Variants in ZNF66 observed in about 807,000 individuals in gnomAD.
ZNF66 encodes the protein putative zinc finger protein 66.
A neutral mutation model predicts 35.2 loss-of-function variants in ZNF66; 32 were observed. The ratio of observed to expected loss-of-function variants is 0.91; its 90% CI spans 0.69 to 1.22. ZNF66 has a LOEUF of 1.22. Among genes scored for constraint, ZNF66 ranks in the 50% most tolerant of loss-of-function variants. ZNF66 has a pLI of 0.00. For missense variants in ZNF66, 666 were observed against 543.1 expected (o/e 1.23, Z -2.25); for synonymous variants, 231 against 181.3 (o/e 1.27, Z -2.20).
chr19:20,790,079 C>G (rs1317447072), intron 1 of ZNF66, among the ~76,000 whole-genome samples: 1 of 145,444 alleles, frequency 6.9e-6, no homozygotes, highest in Non-Finnish European at 1.5e-5. Context: ...TTTAAAACAC[C>G]CATGCATAGA....
At chr19:20,781,689 A>G (rs1440310823) in intron 1 of ZNF66, among the ~76,000 whole-genome samples, 3 of 151,676 alleles carry the variant, frequency 2.0e-5, no homozygotes, top group East Asian at 1.9e-4. Flanking sequence ...TGTATTTTTA[A>G]TAGAGATGGA....
At chr19:20,781,656 A>T (rs1362245492) in intron 1 of ZNF66, among the ~76,000 whole-genome samples, 1 of 151,800 alleles carries the variant, frequency 6.6e-6, no homozygotes, top group Non-Finnish European at 1.5e-5. Context: ...TTACAGGTGC[A>T]TTCCACCATG....
At chr19:20,789,223 G>T (rs1971314537) in intron 1 of ZNF66, among the ~76,000 whole-genome samples, 1 of 152,116 alleles carries the variant, frequency 6.6e-6, no homozygotes, top group African/African-American at 2.4e-5. Context: ...TGGTAGTACT[G>T]CAGTGGCATA....
Position 20,778,836 on chromosome 19 carries a change from A to G in ZNF66, c.3+2386A>G, listed in dbSNP as rs149864345. Among the ~76,000 whole-genome samples, 751 of 152,150 alleles carry G rather than the reference A, an allele frequency of 4.9e-3. 9 individuals carry two copies. The highest frequency in any genetic ancestry group is 8.6e-3 in the Non-Finnish European group (585 of 68,016). On this transcript the variant is annotated intron_variant, in intron 1 of 3. Transcript: ENST00000344519. ...TAAAATTTCCTTCCCTTATGTAAAC[A>G]CTGCGTTTGAGTAATTTCCCTGGAT...
intron 3 of ZNF66, among the ~76,000 whole-genome samples, chr19:20,796,285 G>A (rs961779405): frequency 1.3e-5 from 2 of 151,864 alleles, no homozygotes; most frequent in Admixed American, 6.6e-5. Context: ...TCTTACTGAT[G>A]TCACTCTCCC....
At chr19:20,786,121 A>G (rs568833962) in intron 1 of ZNF66, among the ~76,000 whole-genome samples, 4 of 152,174 alleles carry the variant, frequency 2.6e-5, no homozygotes, top group African/African-American at 7.2e-5. Context: ...ACCAGATGTG[A>G]TATAAACACA....
intron 1 of ZNF66, among the ~76,000 whole-genome samples, chr19:20,787,373 T>C (rs889577454): frequency 6.6e-6 from 1 of 152,190 alleles, no homozygotes; most frequent in African/African-American, 2.4e-5. Flanking sequence ...GCAGCCTTCA[T>C]GAGGGGATCT....
At chr19:20,804,296 T>C (rs1246962442) in intron 3 of ZNF66, among the ~76,000 whole-genome samples, 1 of 152,132 alleles carries the variant, frequency 6.6e-6, no homozygotes, top group Non-Finnish European at 1.5e-5. Flanking sequence ...TCACCTCAAC[T>C]GGAGTGCAGT....
chr19:20,802,268 A>G (rs1412002263), intron 3 of ZNF66, among the ~76,000 whole-genome samples: 1 of 152,198 alleles, frequency 6.6e-6, no homozygotes, highest in Non-Finnish European at 1.5e-5. Context: ...GCAATGAGAC[A>G]TTTGAAAAAC....
Position 20,807,582 on chromosome 19 carries a change from C to CTT in ZNF66, c.*274_*275dup, listed in dbSNP as rs4026921. ...AGCCTATAACAATTTTCAATCAATT[C>CTT]TTTTTTTTTTTTTTTGAGATGAAGT... is the stretch of plus-strand genomic sequence containing the variant. On this transcript the variant is annotated 3_prime_UTR_variant, in exon 4 of 4. Transcript: ENST00000344519. Among the ~76,000 whole-genome samples, 1 of 142,972 alleles carries CTT rather than the reference C, an allele frequency of 7.0e-6. No individual in the cohort carries two copies. Among genetic ancestry groups the CTT allele is most frequent in the Admixed American group, 7.1e-5 (1 of 14,178 alleles). The allele number at this position is 142,972 out of a possible 152,430, so 93.8% of individuals were successfully genotyped here. A position where few individuals can be genotyped will look rare whatever the true frequency, so the allele number is the denominator to read the frequency against.
At chr19:20,776,801 A>G (rs1971199192) in intron 1 of ZNF66, among the ~76,000 whole-genome samples, 1 of 152,038 alleles carries the variant, frequency 6.6e-6, no homozygotes, top group Non-Finnish European at 1.5e-5. Context: ...TGGGGTTCAC[A>G]GTTTCTCTTT....
chr19:20,804,605 A>C (rs1297385525), intron 3 of ZNF66, among the ~76,000 whole-genome samples: 1 of 152,098 alleles, frequency 6.6e-6, no homozygotes, highest in African/African-American at 2.4e-5. Context: ...GCAGAGGTAC[A>C]ATCTTCACTC....
At position 20,807,192 on chromosome 19, in the gene ZNF66, A is replaced by C. The variant is rs751012838; in HGVS notation, c.1592A>C (p.His531Pro). Residue 531 changes from histidine (H) to proline (P), a missense_variant, in exon 4 of 4, where the codon CAT becomes CCT. Transcript: ENST00000344519. ...SSTLTRHKKI[H>P]TGGKPHKCNK... ...ACCCTTACTAGACATAAGAAAATTCATACTGGAGGGAAACCACACAAGTGC... is the reference window on the plus strand; with the variant it reads ...ACCCTTACTAGACATAAGAAAATTCCTACTGGAGGGAAACCACACAAGTGC... The C allele has an allele frequency of 1.4e-5, 10 of 735,714 alleles. No homozygotes were observed. Among genetic ancestry groups the C allele is most frequent in the Non-Finnish European group, 2.4e-5 (10 of 415,060 alleles). The allele number at this position is 735,714 out of a possible 1,614,324, so 45.6% of individuals were successfully genotyped here. A position where few individuals can be genotyped will look rare whatever the true frequency, so the allele number is the denominator to read the frequency against.
chr19:20,782,686 T>A (rs1162213286), intron 1 of ZNF66, among the ~76,000 whole-genome samples: 1 of 151,032 alleles, frequency 6.6e-6, no homozygotes, highest in Non-Finnish European at 1.5e-5. Context: ...GAAAAGAATC[T>A]GTGTTTTTGC....
At chr19:20,785,455 GTTTA>G (rs1296614519) in intron 1 of ZNF66, among the ~76,000 whole-genome samples, 1 of 152,198 alleles carries the variant, frequency 6.6e-6, no homozygotes, top group Non-Finnish European at 1.5e-5. Context: ...GATGTGGAAA[GTTTA>G]TTTGTCATTG....
intron 3 of ZNF66, among the ~76,000 whole-genome samples, chr19:20,801,522 T>C (rs544786168): frequency 1.9e-4 from 29 of 152,196 alleles, no homozygotes; most frequent in Admixed American, 7.2e-4. Flanking sequence ...TTTTTGCATT[T>C]TTAGTAGAGA....
intron 1 of ZNF66, among the ~76,000 whole-genome samples, chr19:20,787,270 T>C (rs374435971): frequency 3.9e-4 from 60 of 152,338 alleles, no homozygotes; most frequent in Non-Finnish European, 7.2e-4. Context: ...GTTATGATCC[T>C]TAAACTTGAC....
chr19:20,807,310 G>A lies in ZNF66; in HGVS notation c.1710G>A (p.Val570=), dbSNP rs1230374463. 1 of 650,610 alleles carries A rather than the reference G, an allele frequency of 1.5e-6. No individual in the cohort carries two copies. Among genetic ancestry groups the A allele is most frequent in the South Asian group, 1.9e-5 (1 of 51,904 alleles). The allele number at this position is 650,610 out of a possible 1,614,324, so 40.3% of individuals were successfully genotyped here. Residue 570 remains valine, a synonymous_variant, in exon 4 of 4, where the codon GTG becomes GTA. Transcript: ENST00000344519. ...MGGNPYKCEN[V]AKP is the part of the protein sequence containing the mutation. ...GGAATCCCTACAAATGTGAAAATGT[G>A]GCAAAGCCTTAGACACTCCTCTACC...
chr19:20,795,960 CCTGA>C (rs1260402822), intron 3 of ZNF66, among the ~76,000 whole-genome samples: 3 of 152,148 alleles, frequency 2.0e-5, no homozygotes, highest in African/African-American at 4.8e-5. Context: ...CAGTTTCCCA[CCTGA>C]CTAAGGGCAG....
Sources: allele counts gnomAD v4.1 joint callset (sites outside exome capture counted in the v4.1 genomes callset), GRCh38; gene constraint gnomAD v4.1.1; transcripts MANE v1.5; gene names NCBI Gene and HGNC (gene_info 2026-07-23, HGNC 2026-07-21).